The following CCNH variants were observed in gnomAD, a reference collection of about 807,000 sequenced individuals.
CCNH encodes the protein cyclin H, also known as cyclin-H.
A neutral mutation model predicts 41.9 loss-of-function variants in CCNH; 31 were observed. The ratio of observed to expected loss-of-function variants is 0.74; its 90% CI spans 0.56 to 1.00. CCNH has a LOEUF of 1.00. CCNH is among the 50% of genes least tolerant of loss of function. CCNH has a pLI of 0.00. For synonymous variants in CCNH, 138 were observed against 136.1 expected (o/e 1.01, Z -0.10); for missense variants, 362 against 388.4 (o/e 0.93, Z 0.57).
intron 9 of CCNH, among the ~76,000 whole-genome samples, chr5:87,352,947 G>A (rs1049501321): frequency 3.3e-5 from 5 of 151,854 alleles, no homozygotes; most frequent in African/African-American, 1.2e-4. Context: ...TCTGGGCCAT[G>A]TATTCTGGCC....
Position 87,385,437 on chromosome 5 carries a change from G to A in CCNH, c.*90+7333C>T, listed in dbSNP as rs763451214. The A allele has an allele frequency of 6.5e-6, 9 of 1,384,132 alleles. No homozygotes were observed. In the African/African-American group the frequency reaches 1.0e-4, roughly 15 times the overall value. The allele number at this position is 1,384,132 out of a possible 1,614,324, so 85.7% of individuals were successfully genotyped here. ...AAATGTAATTTATGAATGCAAGTTT[G>A]ACATGATAAAACCATAAATTGTGGC... On this transcript the variant is annotated intron_variant and NMD_transcript_variant, in intron 9 of 9. Transcript: ENST00000645953.
intron 8 of CCNH, 29 bp from the exon 9 acceptor site, chr5:87,394,513 T>C: frequency 1.2e-6 from 2 of 1,612,966 alleles, no homozygotes; most frequent in Non-Finnish European, 1.7e-6. Context: ...GTGGTAAGGA[T>C]AACACTGAAG....
At chr5:87,381,585 T>A (rs1199722775), upstream of CCNH, among the ~76,000 whole-genome samples, 2 of 152,220 alleles carry the variant, frequency 1.3e-5, no homozygotes, top group Non-Finnish European at 2.9e-5. Context: ...TCTATTTCTT[T>A]TTTTGGGGGG....
intron 9 of CCNH, among the ~76,000 whole-genome samples, chr5:87,368,178 T>G (rs1760663671): frequency 6.6e-6 from 1 of 152,170 alleles, no homozygotes; most frequent in Non-Finnish European, 1.5e-5. Context: ...CTGTTTTTCA[T>G]CCTTTTTCCT....
intron 5 of CCNH, among the ~76,000 whole-genome samples, chr5:87,403,856 T>G (rs1234667332): frequency 6.6e-6 from 1 of 152,222 alleles, no homozygotes; most frequent in East Asian, 1.9e-4. Context: ...GTAATTTACA[T>G]GACTATCTTT....
At chr5:87,404,648 T>A (rs998761431) in intron 5 of CCNH, among the ~76,000 whole-genome samples, 196 bp downstream of exon 5, 2 of 152,224 alleles carry the variant, frequency 1.3e-5, no homozygotes, top group African/African-American at 4.8e-5. Context: ...TACTTCTACT[T>A]TAATCCTAAA....
upstream of CCNH, among the ~76,000 whole-genome samples, chr5:87,380,905 T>C (rs1444620506): frequency 1.3e-5 from 2 of 152,198 alleles, no homozygotes; most frequent in African/African-American, 2.4e-5. Flanking sequence ...TCTTCATACA[T>C]ACACACACAT....
chr5:87,357,597 C>T (rs1235187314), intron 9 of CCNH, among the ~76,000 whole-genome samples: 1 of 152,058 alleles, frequency 6.6e-6, no homozygotes, highest in Non-Finnish European at 1.5e-5. Context: ...CCCAGCTACT[C>T]TGGAGGCTGA....
At chr5:87,335,576 C>G (rs956041875) in intron 9 of CCNH, among the ~76,000 whole-genome samples, 2 of 151,714 alleles carry the variant, frequency 1.3e-5, no homozygotes, top group African/African-American at 4.8e-5. Context: ...TGGGCGTCTG[C>G]CACCACACCT....
At position 87,349,263 on chromosome 5, in the gene CCNH, C is replaced by T. The variant is rs144668841; in HGVS notation, c.*91-30366G>A. ...TGAGGCCCTCAGATAATACTCCTGG[C>T]GATTATTCACTTTATTTCCGGACCA... On this transcript the variant is annotated intron_variant and NMD_transcript_variant, in intron 9 of 9. Transcript: ENST00000645953. 1.7e-5 allele frequency: 27 copies of T among 1,611,922 alleles called. No individual in the cohort carries two copies. The highest frequency in any genetic ancestry group is 1.7e-4 in the Middle Eastern group (1 of 6,050).
intron 9 of CCNH, chr5:87,366,383 C>G (rs1048717298): frequency 2.3e-6 from 1 of 426,724 alleles, no homozygotes; most frequent in Middle Eastern, 3.4e-4. Flanking sequence ...TTGGCACAAT[C>G]AAAAGAAAGG....
chr5:87,338,501 T>TTATATATATA (rs3069490), intron 9 of CCNH, among the ~76,000 whole-genome samples: 9 of 75,682 alleles, frequency 1.2e-4, no homozygotes, highest in African/African-American at 3.9e-4. Flanking sequence ...CCAGCTAATT[T>TTATATATATA]TATATATATA....
chr5:87,371,065 A>G (rs1490756009), intron 9 of CCNH, among the ~76,000 whole-genome samples: 1 of 152,116 alleles, frequency 6.6e-6, no homozygotes, highest in Admixed American at 6.6e-5. Flanking sequence ...TGAGTTAGAA[A>G]TTTAAACTTC....
downstream of CCNH, among the ~76,000 whole-genome samples, chr5:87,393,177 T>A (rs1432084696): frequency 6.6e-6 from 1 of 152,090 alleles, no homozygotes; most frequent in Non-Finnish European, 1.5e-5. Flanking sequence ...GATGTAACTA[T>A]AATGGTACCT....
At chr5:87,385,298 C>T in intron 9 of CCNH, 1 of 1,596,146 alleles carries the variant, frequency 6.3e-7, no homozygotes, top group Non-Finnish European at 8.6e-7. Flanking sequence ...AATTCTGTTA[C>T]AGATTCTCCA....
chr5:87,383,794 G>GT, intron 9 of CCNH: 1 of 1,591,156 alleles, frequency 6.3e-7, no homozygotes, highest in African/African-American at 1.4e-5. Context: ...ATCAGCTTTT[G>GT]ATACATTTTG....
chr5:87,332,831 A>C (rs1367120221), intron 9 of CCNH, among the ~76,000 whole-genome samples: 1 of 152,110 alleles, frequency 6.6e-6, no homozygotes, highest in Non-Finnish European at 1.5e-5. Context: ...ATTTTTCAAT[A>C]ATTTTGTATT....
chr5:87,349,066 TGAAA>T (rs753359402), intron 9 of CCNH: 34 of 986,118 alleles, frequency 3.4e-5, no homozygotes, highest in East Asian at 3.2e-4. Context: ...CCAGAAAATT[TGAAA>T]GAAATTATCT....
downstream of CCNH, among the ~76,000 whole-genome samples, chr5:87,390,414 T>C (rs1048362295): frequency 1.3e-5 from 2 of 152,086 alleles, no homozygotes; most frequent in Admixed American, 6.6e-5. Context: ...CCTCAAGTCC[T>C]GTTTCTCCCC....
Sources: gnomAD v4.1 joint callset for allele counts (sites outside exome capture counted in the v4.1 genomes callset) on GRCh38, gnomAD v4.1.1 for gene constraint, MANE v1.5 for transcripts, NCBI Gene and HGNC (gene_info 2026-07-23, HGNC 2026-07-21) for gene names.